The following KIF26B variants were observed in gnomAD, a reference collection of about 807,000 sequenced individuals.
KIF26B encodes kinesin-like protein KIF26B.
In KIF26B, 63 loss-of-function variants were observed where a neutral mutation model predicts 151.2. That is an observed-to-expected ratio of 0.42 (90% confidence interval 0.34 to 0.51). The LOEUF is 0.51. KIF26B is among the 20% of genes least tolerant of loss of function. The pLI is 0.07. For synonymous variants in KIF26B, 1,357 were observed against 1,262.1 expected (o/e 1.08, Z -1.59); for missense variants, 2,813 against 2,913.6 (o/e 0.97, Z 0.79).
chr1:245,409,682 C>T (rs1674226871), intron 3 of KIF26B, among the ~76,000 whole-genome samples: 1 of 152,134 alleles, frequency 6.6e-6, no homozygotes, highest in African/African-American at 2.4e-5. Context: ...AACGTCCAGC[C>T]CTGGGACATA....
At chr1:245,514,330 T>C (rs1660903207) in intron 4 of KIF26B, among the ~76,000 whole-genome samples, 1 of 152,024 alleles carries the variant, frequency 6.6e-6, no homozygotes, top group Admixed American at 6.6e-5. Context: ...AGTTCAAGAC[T>C]GGCCTAGCCA....
At chr1:245,456,771 G>C (rs1659541662) in intron 4 of KIF26B, among the ~76,000 whole-genome samples, 1 of 152,224 alleles carries the variant, frequency 6.6e-6, no homozygotes, top group Non-Finnish European at 1.5e-5. Flanking sequence ...AGGTAACCTT[G>C]TTATTGTTTG....
intron 4 of KIF26B, among the ~76,000 whole-genome samples, chr1:245,498,046 T>G (rs1037483143): frequency 5.9e-5 from 9 of 152,200 alleles, no homozygotes; most frequent in African/African-American, 1.4e-4. Flanking sequence ...CATCTCAAAC[T>G]CCATATGTAA....
rs539437815 is a variant in KIF26B, at chr1:245,595,563, C to T, written c.1351-7014C>T. ...TGATGTGCTGCTGGATTCAGTTTGC[C>T]AGTATTTTATTGAGGATTTTCACAT... On this transcript the variant is annotated intron_variant, in intron 5 of 14. Transcript: ENST00000407071. Among the ~76,000 whole-genome samples, 18 of 152,272 alleles carry T rather than the reference C, an allele frequency of 1.2e-4. 1 individual carries two copies. The South Asian group carries it at 3.5e-3, about 30-fold the overall frequency.
rs775664396 is a variant in KIF26B, at chr1:245,540,938, G to C, written c.1338G>C (p.Pro446=). 6.2e-7 allele frequency: 1 copy of C among 1,612,888 alleles called. No individual in the cohort carries two copies. The highest frequency in any genetic ancestry group is 8.5e-7 in the Non-Finnish European group (1 of 1,179,218). The change falls in exon 5 of 15, where the codon CCG becomes CCC. Residue 446 remains proline, a synonymous_variant. Transcript: ENST00000407071. This position sits in a 1 kb window ranked among gnomAD's most constrained non-coding sequence, Gnocchi z 4.6. ...CTGTCAACAAGGTGAAGGACACCCC[G>C]GGGCTGGGCAAGGTAGGACCATCCG... The part of the protein sequence containing the change: ...LRAVNKVKDT[P]GLGKVKVMLR...
At chr1:245,404,209 A>T (rs921126073) in intron 3 of KIF26B, among the ~76,000 whole-genome samples, 4 of 147,884 alleles carry the variant, frequency 2.7e-5, no homozygotes, top group African/African-American at 7.4e-5. Context: ...AACAAGACTG[A>T]TTTTTTTTTT....
At chr1:245,368,684 C>T (rs1335518718) in intron 3 of KIF26B, among the ~76,000 whole-genome samples, 1 of 152,162 alleles carries the variant, frequency 6.6e-6, no homozygotes, top group African/African-American at 2.4e-5. Flanking sequence ...AAATGCGTCA[C>T]CATCTTCCAG....
At chr1:245,348,551 G>A (rs1222229126) in intron 2 of KIF26B, among the ~76,000 whole-genome samples, 1 of 152,154 alleles carries the variant, frequency 6.6e-6, no homozygotes, top group Non-Finnish European at 1.5e-5. Context: ...ACAGTGGAGG[G>A]GGCGAGGAAG....
At position 245,234,809 on chromosome 1, in the gene KIF26B, G is replaced by A. The variant is rs542089102; in HGVS notation, c.465+78126G>A. ...CGCCGTTTCCAGGCCTCGCAACACC[G>A]GCCTGCTATTAAGTGTTTCTAAGAG... On this transcript the variant is annotated intron_variant, in intron 2 of 14. Coordinates refer to ENST00000407071, the MANE Select transcript of KIF26B (RefSeq NM_018012.4). Among the ~76,000 whole-genome samples the A allele has an allele frequency of 4.6e-5, 7 of 152,292 alleles. No homozygotes were observed. The East Asian group carries it at 1.2e-3, about 25-fold the overall frequency.
intron 2 of KIF26B, among the ~76,000 whole-genome samples, chr1:245,199,819 C>T (rs1669266196): frequency 6.1e-5 from 1 of 16,330 alleles, no homozygotes; most frequent in African/African-American, 1.1e-4. Context: ...ATCTGTCCAT[C>T]CATCCATCCA....
chr1:245,317,737 A>T (rs1262292304), intron 2 of KIF26B, among the ~76,000 whole-genome samples: 1 of 152,198 alleles, frequency 6.6e-6, no homozygotes, highest in Non-Finnish European at 1.5e-5. Context: ...CTGATGCTGG[A>T]CCAAGGGGCC....
At chr1:245,695,472 A>G (rs530691181) in intron 12 of KIF26B, among the ~76,000 whole-genome samples, 14 of 152,288 alleles carry the variant, frequency 9.2e-5, no homozygotes, top group Admixed American at 4.6e-4. Flanking sequence ...CTGAGTATCA[A>G]TCCATTCACG....
chr1:245,592,046 C>A (rs2043293919), intron 5 of KIF26B, among the ~76,000 whole-genome samples: 1 of 152,236 alleles, frequency 6.6e-6, no homozygotes, highest in Non-Finnish European at 1.5e-5. Context: ...CCCCTCCGCT[C>A]CCCGAAGCGC....
At chr1:245,631,108 C>T (rs989084072) in intron 9 of KIF26B, among the ~76,000 whole-genome samples, 4 of 152,108 alleles carry the variant, frequency 2.6e-5, no homozygotes, top group Admixed American at 6.5e-5. Context: ...AGTTTGGATG[C>T]CTTTTATTTC....
chr1:245,481,085 G>T (rs778061998), intron 4 of KIF26B, among the ~76,000 whole-genome samples: 1 of 151,850 alleles, frequency 6.6e-6, no homozygotes, highest in African/African-American at 2.4e-5. Flanking sequence ...TGCGTTGTGC[G>T]TGCATTTTCC....
chr1:245,270,280 T>C (rs1056032838), intron 2 of KIF26B, among the ~76,000 whole-genome samples: 1 of 107,260 alleles, frequency 9.3e-6, no homozygotes, highest in African/African-American at 3.7e-5. Context: ...TTCCTTTCCT[T>C]CTTTCCTTCC....
At chr1:245,418,149 G>A (rs1674465992) in intron 3 of KIF26B, among the ~76,000 whole-genome samples, 1 of 152,166 alleles carries the variant, frequency 6.6e-6, no homozygotes, top group African/African-American at 2.4e-5. Flanking sequence ...CCTCCAAGCT[G>A]CCCTGTTCCG....
intron 2 of KIF26B, among the ~76,000 whole-genome samples, chr1:245,249,768 C>A (rs755029200): frequency 2.6e-5 from 4 of 152,112 alleles, no homozygotes; most frequent in Non-Finnish European, 5.9e-5. Flanking sequence ...CAGGCGTGAG[C>A]CACTGCATCA....
At chr1:245,379,287 G>T (rs962718445) in intron 3 of KIF26B, among the ~76,000 whole-genome samples, 4 of 152,254 alleles carry the variant, frequency 2.6e-5, no homozygotes, top group Admixed American at 2.6e-4. Context: ...ATACTGAAAG[G>T]CTCATTGACC....
Sources: allele counts gnomAD v4.1 joint callset (sites outside exome capture counted in the v4.1 genomes callset), GRCh38; gene constraint gnomAD v4.1.1; non-coding constraint Gnocchi (gnomAD v3.1); transcripts MANE v1.5; gene names NCBI Gene and HGNC (gene_info 2026-07-23, HGNC 2026-07-21).